Variants in MYEF2 observed in about 807,000 individuals in gnomAD.
The protein encoded by MYEF2 is myelin gene expression factor 2.
A neutral mutation model predicts 75.2 loss-of-function variants in MYEF2; 37 were observed. The ratio of observed to expected loss-of-function variants is 0.49; its 90% CI spans 0.38 to 0.65. The LOEUF (loss-of-function observed/expected upper bound fraction) is 0.65, where lower values mean the gene tolerates loss of function less well. Among genes scored for constraint, MYEF2 ranks in the 30% least tolerant of loss-of-function variants. MYEF2 has a pLI of 0.00. For missense variants in MYEF2, 634 were observed against 771.4 expected, an observed-to-expected ratio of 0.82 and a Z score of 2.11; for synonymous variants, 195 against 241.6, an observed-to-expected ratio of 0.81 and a Z score of 1.79.
At chr15:48,167,255 C>T (rs919286485) in intron 3 of MYEF2, 94 bp downstream of exon 3, 1 of 1,284,152 alleles carries the variant, frequency 7.8e-7, no homozygotes, top group Non-Finnish European at 1.1e-6. Flanking sequence ...CAAAATGAAA[C>T]TTAAGTTTCC....
In MYEF2 at chr15:48,159,448, G is replaced by A. The variant is rs1003953453; in HGVS notation, c.717+165C>T. 80 of 604,276 alleles carry A rather than the reference G, an allele frequency of 1.3e-4. 1 individual carries two copies. The highest frequency in any genetic ancestry group is 7.7e-4 in the East Asian group (27 of 35,262). The allele number at this position is 604,276 out of a possible 1,614,324, so 37.4% of individuals were successfully genotyped here. A position where few individuals can be genotyped will look rare whatever the true frequency, so the allele number is the denominator to read the frequency against. On this transcript the variant is annotated intron_variant, in intron 6 of 16. Transcript: ENST00000324324. ...TAACCTTGTGCGTGTGTGTGTGTGTGTATATATATGTATATACGTCAATTG... is the reference window on the plus strand; with the variant it reads ...TAACCTTGTGCGTGTGTGTGTGTGTATATATATATGTATATACGTCAATTG...
rs1003828412 is a variant in MYEF2 at position 48,168,572 on chromosome 15, G to C, written c.370+59C>G. ...TCAGAGGAATAAAAATGTTTGTGTAGTTCCCTCCCCTGCCTATATGAAGAT... is the reference window on the plus strand; with the variant it reads ...TCAGAGGAATAAAAATGTTTGTGTACTTCCCTCCCCTGCCTATATGAAGAT... On this transcript the variant is annotated intron_variant, in intron 2 of 16. Transcript: ENST00000324324. The C allele has an allele frequency of 2.9e-6, 4 of 1,384,498 alleles. No individual in the cohort carries two copies. In the African/African-American group the frequency reaches 4.3e-5, roughly 15 times the overall value. The allele number at this position is 1,384,498 out of a possible 1,614,324, so 85.8% of individuals were successfully genotyped here. A position where few individuals can be genotyped will look rare whatever the true frequency, so the allele number is the denominator to read the frequency against.
intron 9 of MYEF2, 155 bp from the exon 10 acceptor site, chr15:48,154,048 G>C: frequency 1.1e-5 from 6 of 558,754 alleles, no homozygotes; most frequent in Non-Finnish European, 1.9e-5. Flanking sequence ...TGTCTAGAAA[G>C]TAGCACACTG....
intron 9 of MYEF2, chr15:48,154,138 C>A (rs1480075119): frequency 3.1e-6 from 1 of 320,010 alleles, no homozygotes; most frequent in Non-Finnish European, 5.7e-6. Flanking sequence ...ACACCTTATA[C>A]CCCACTTAAA....
rs376694737 is a variant in MYEF2 at position 48,138,284 on chromosome 15, G to C, written c.*4624C>G. 1 of 151,560 alleles carries C rather than the reference G, an allele frequency of 6.6e-6. No homozygotes were observed. Among genetic ancestry groups the C allele is most frequent in the Non-Finnish European group, 1.5e-5 (1 of 67,834 alleles). The allele number at this position is 151,560 out of a possible 1,614,324, so 9.4% of individuals were successfully genotyped here. A position where few individuals can be genotyped will look rare whatever the true frequency, so the allele number is the denominator to read the frequency against. On this transcript the variant is annotated 3_prime_UTR_variant, in exon 17 of 17. Coordinates refer to ENST00000324324, the MANE Select transcript of MYEF2 (RefSeq NM_016132.5). Reference sequence around the variant, plus strand: ...ACAAATTTTGAACATTTTTGAATTCGAATTTTTATCCAATATATTATCATT... The same window carrying C: ...ACAAATTTTGAACATTTTTGAATTCCAATTTTTATCCAATATATTATCATT...
intron 5 of MYEF2, among the ~76,000 whole-genome samples, chr15:48,165,213 C>A (rs1353941881): frequency 6.6e-6 from 1 of 152,162 alleles, no homozygotes; most frequent in Non-Finnish European, 1.5e-5. Flanking sequence ...TCTCTTTTAA[C>A]ACAGACTTTA....
rs2038877380 is a variant in MYEF2 at position 48,135,660 on chromosome 15, C to A, written c.*7248G>T. The A allele has an allele frequency of 6.6e-6, 1 of 151,516 alleles. No individual in the cohort carries two copies. The highest frequency in any genetic ancestry group is 1.5e-5 in the Non-Finnish European group (1 of 67,916). The allele number at this position is 151,516 out of a possible 1,614,324, so 9.4% of individuals were successfully genotyped here. On this transcript the variant is annotated 3_prime_UTR_variant, in exon 17 of 17. Transcript: ENST00000324324. ...AGGGATAATGAAATGTAAAACACAG[C>A]TACACAGGTTATATACATTGCATAA... is the stretch of plus-strand genomic sequence containing the variant.
At position 48,135,079 on chromosome 15, in the gene MYEF2, T is replaced by A; in HGVS notation, c.*7829A>T. 1 of 889,710 alleles carries A rather than the reference T, an allele frequency of 1.1e-6. No homozygotes were observed. Among genetic ancestry groups the A allele is most frequent in the Non-Finnish European group, 1.8e-6 (1 of 558,148 alleles). 55.1% of individuals were successfully genotyped at this position (889,710 alleles called of 1,614,324 possible). ...TTTCAGAAATGTTATTTCAGTCACTTAATCTGCCACTTCTATACCATATTC... is the reference window on the plus strand; with the variant it reads ...TTTCAGAAATGTTATTTCAGTCACTAAATCTGCCACTTCTATACCATATTC... On this transcript the variant is annotated 3_prime_UTR_variant, in exon 17 of 17. Transcript: ENST00000324324.
Position 48,168,616 on chromosome 15 carries a change from T to C in MYEF2, c.370+15A>G. On this transcript the variant is annotated intron_variant, in intron 2 of 16. Coordinates refer to ENST00000324324, the MANE Select transcript of MYEF2 (RefSeq NM_016132.5). ...TGAAGATTATCCAACAGTGGGTTAT[T>C]TCAGAGATAGTTACCTTTCTCTCTC... The C allele has an allele frequency of 3.1e-6, 5 of 1,593,066 alleles. No homozygotes were observed. Among genetic ancestry groups the C allele is most frequent in the Non-Finnish European group, 4.3e-6 (5 of 1,162,002 alleles).
In MYEF2 at chr15:48,151,101, T is replaced by C; in HGVS notation, c.1377A>G (p.Ile459Met). The C allele has an allele frequency of 6.3e-7, 1 of 1,598,718 alleles. No individual in the cohort carries two copies. The highest frequency in any genetic ancestry group is 8.5e-7 in the Non-Finnish European group (1 of 1,172,468). Reference protein sequence around the residue: ...SSNMGPVGSGISGGMGSMNSV... With the variant: ...SSNMGPVGSGMSGGMGSMNSV... Reference sequence around the variant, plus strand: ...AATTCTAGTAAAATTTAAACCTACTTATTCCAGATCCTACTGGACCCATGT... The same window carrying C: ...AATTCTAGTAAAATTTAAACCTACTCATTCCAGATCCTACTGGACCCATGT... Residue 459 changes from isoleucine to methionine, a missense_variant and splice_region_variant, in exon 14 of 17, where the codon ATA becomes ATG. By Grantham distance (10) the Ile-to-Met change is conservative. Coordinates refer to ENST00000324324, the MANE Select transcript of MYEF2 (RefSeq NM_016132.5).
intron 9 of MYEF2, among the ~76,000 whole-genome samples, chr15:48,156,698 A>C (rs2140871555): frequency 6.6e-6 from 1 of 152,076 alleles, no homozygotes; most frequent in Admixed American, 6.5e-5. Flanking sequence ...AAACAGAAAA[A>C]TGTATAAAAT....
intron 1 of MYEF2, among the ~76,000 whole-genome samples, chr15:48,177,394 T>TAAA (rs557328903): frequency 6.8e-6 from 1 of 147,720 alleles, no homozygotes; most frequent in East Asian, 2.0e-4. Context: ...TACACTGAGT[T>TAAA]AAAAAAAAAA....
chr15:48,151,780 A>AT, intron 12 of MYEF2, 94 bp downstream of exon 12: 7 of 1,448,918 alleles, frequency 4.8e-6, no homozygotes, highest in Non-Finnish European at 6.8e-6. Context: ...TTCTGAAGAC[A>AT]TTTTTAGCAC....
rs1484625620 is a variant in MYEF2, at chr15:48,142,295, G to C, written c.*613C>G. 1 of 1,612,538 alleles carries C rather than the reference G, an allele frequency of 6.2e-7. No homozygotes were observed. Among genetic ancestry groups the C allele is most frequent in the South Asian group, 1.1e-5 (1 of 90,890 alleles). ...ATACTTGGGGCTTGCTACATTATCA[G>C]TTCTATATGAACTTGGAATTATTGG... On this transcript the variant is annotated 3_prime_UTR_variant, in exon 17 of 17. Coordinates refer to ENST00000324324, the MANE Select transcript of MYEF2 (RefSeq NM_016132.5).
intron 1 of MYEF2, among the ~76,000 whole-genome samples, chr15:48,176,695 A>C (rs1379637927): frequency 6.6e-6 from 1 of 152,232 alleles, no homozygotes; most frequent in African/African-American, 2.4e-5. Context: ...TATGAATAGC[A>C]CATATTTTTA....
At position 48,136,871 on chromosome 15, in the gene MYEF2, G is replaced by C; in HGVS notation, c.*6037C>G. 1 of 1,613,778 alleles carries C rather than the reference G, an allele frequency of 6.2e-7. No individual in the cohort carries two copies. The highest frequency in any genetic ancestry group is 8.5e-7 in the Non-Finnish European group (1 of 1,179,794). ...GATGAAGGTCAACCATTCATTCGTCGGCAATCAAGAACTGATAGTGGAATA... is the reference window on the plus strand; with the variant it reads ...GATGAAGGTCAACCATTCATTCGTCCGCAATCAAGAACTGATAGTGGAATA... On this transcript the variant is annotated 3_prime_UTR_variant, in exon 17 of 17. Transcript: ENST00000324324.
rs2038875014 is a variant in MYEF2, at chr15:48,135,582, A to G, written c.*7326T>C. The G allele has an allele frequency of 6.6e-6, 1 of 152,408 alleles. No homozygotes were observed. The allele number at this position is 152,408 out of a possible 1,614,324, so 9.4% of individuals were successfully genotyped here. On this transcript the variant is annotated 3_prime_UTR_variant, in exon 17 of 17. Transcript: ENST00000324324. ...GAGTGGACAGATACTAACTTTTTCAACTAGTAAGCAGCAGGCACCTACTAG... is the reference window on the plus strand; with the variant it reads ...GAGTGGACAGATACTAACTTTTTCAGCTAGTAAGCAGCAGGCACCTACTAG...
At position 48,149,130 on chromosome 15, in the gene MYEF2, A is replaced by T. The variant is rs1324734693; in HGVS notation, c.1587+33T>A. On this transcript the variant is annotated intron_variant, in intron 15 of 16. Transcript: ENST00000324324. This position sits in a 1 kb window ranked among gnomAD's most constrained non-coding sequence, Gnocchi z 4.0. ...GTAACATATATACAAGAAAAAAAAG[A>T]ATTTGAATTATCCTTAATATTTATT... The T allele has an allele frequency of 6.2e-7, 1 of 1,612,422 alleles. No individual in the cohort carries two copies. Among genetic ancestry groups the T allele is most frequent in the Non-Finnish European group, 8.5e-7 (1 of 1,178,874 alleles).
chr15:48,174,756 T>C (rs1278785852), intron 1 of MYEF2, among the ~76,000 whole-genome samples: 1 of 152,068 alleles, frequency 6.6e-6, no homozygotes, highest in African/African-American at 2.4e-5. Flanking sequence ...ACTTCATACC[T>C]GTTAGGATGA....
Sources: gnomAD v4.1 joint callset for allele counts (sites outside exome capture counted in the v4.1 genomes callset) on GRCh38, gnomAD v4.1.1 for gene constraint, Gnocchi (gnomAD v3.1) non-coding constraint, MANE v1.5 for transcripts, NCBI Gene and HGNC (gene_info 2026-07-23, HGNC 2026-07-21) for gene names.